UNC5D: variants seen among roughly 807,000 people sequenced by gnomAD.
The protein encoded by UNC5D is unc-5 netrin receptor D.
UNC5D carries 39 observed loss-of-function variants against 105.4 expected under a neutral mutation model. The observed-to-expected ratio is 0.37, with a 90% CI of 0.29 to 0.48. The LOEUF (loss-of-function observed/expected upper bound fraction) is 0.48, where lower values mean the gene tolerates loss of function less well. Ranked by LOEUF, UNC5D falls within the 20% of genes least tolerant of loss-of-function variation. UNC5D has a pLI of 0.98. For synonymous variants in UNC5D, 452 were observed against 450.4 expected, an observed-to-expected ratio of 1.00 and a Z score of -0.04; for missense variants, 991 against 1,202.4, an observed-to-expected ratio of 0.82 and a Z score of 2.60.
At chr8:35,417,317 C>T (rs189632634) in intron 1 of UNC5D, among the ~76,000 whole-genome samples, 1 of 152,026 alleles carries the variant, frequency 6.6e-6, no homozygotes, top group African/African-American at 2.4e-5. Flanking sequence ...TGAAATGATC[C>T]CTGTGGATGT....
intron 1 of UNC5D, among the ~76,000 whole-genome samples, chr8:35,385,376 C>T (rs1481327854): frequency 2.0e-5 from 3 of 151,820 alleles, no homozygotes; most frequent in Non-Finnish European, 4.4e-5. Context: ...CTGAATCCTA[C>T]ATGCCACCAA....
intron 1 of UNC5D, among the ~76,000 whole-genome samples, chr8:35,529,074 T>C (rs1460612617): frequency 7.3e-6 from 1 of 137,868 alleles, no homozygotes; most frequent in Non-Finnish European, 1.5e-5. Flanking sequence ...TTGTCAATTT[T>C]GGCTTTTGTT....
chr8:35,627,281 G>A (rs1458508350), intron 4 of UNC5D, among the ~76,000 whole-genome samples: 1 of 152,058 alleles, frequency 6.6e-6, no homozygotes, highest in Non-Finnish European at 1.5e-5. Context: ...TCCAACTTCC[G>A]AACAATAACG....
intron 1 of UNC5D, among the ~76,000 whole-genome samples, chr8:35,284,842 G>A (rs1325820383): frequency 6.6e-5 from 10 of 152,150 alleles, no homozygotes; most frequent in Non-Finnish European, 1.0e-4. Context: ...GATTATAGGC[G>A]TGAGCCACTG....
rs755876112 is a variant in UNC5D at position 35,696,282 on chromosome 8, ATTTTTTTTTT to A, written c.1084+9586_1084+9595del. The stretch of plus-strand genomic sequence containing the variant: ...TTGCCATATTTATTATCAATATTTA[ATTTTTTTTTT>A]TTTTTTTTTTTTGCTGTCAGTTATG... On this transcript the variant is annotated intron_variant, in intron 7 of 16. Coordinates refer to ENST00000404895, the MANE Select transcript of UNC5D (RefSeq NM_080872.4). 1.8e-3 allele frequency among the ~76,000 whole-genome samples: 207 copies of A among 113,214 alleles called. 3 individuals are homozygous for A. Among genetic ancestry groups the A allele is most frequent in the African/African-American group, 6.8e-3 (201 of 29,614 alleles). The allele number at this position is 113,214 out of a possible 152,430, so 74.3% of individuals were successfully genotyped here.
intron 3 of UNC5D, among the ~76,000 whole-genome samples, chr8:35,580,760 A>G (rs1164157778): frequency 1.3e-5 from 2 of 152,202 alleles, no homozygotes; most frequent in East Asian, 1.9e-4. Flanking sequence ...GTAGGAATCT[A>G]TAGGAGAGGA....
At chr8:35,342,228 C>T (rs1182714408) in intron 1 of UNC5D, among the ~76,000 whole-genome samples, 1 of 151,996 alleles carries the variant, frequency 6.6e-6, no homozygotes, top group Non-Finnish European at 1.5e-5. Context: ...ACCCCAGAAT[C>T]CCAGGTAGAT....
At chr8:35,431,720 C>T (rs962279272) in intron 1 of UNC5D, among the ~76,000 whole-genome samples, 1 of 152,060 alleles carries the variant, frequency 6.6e-6, no homozygotes, top group African/African-American at 2.4e-5. Flanking sequence ...CAATTTTCAA[C>T]ATCAGATAAT....
chr8:35,638,100 C>T (rs1486101201), intron 4 of UNC5D, among the ~76,000 whole-genome samples: 1 of 152,082 alleles, frequency 6.6e-6, no homozygotes, highest in East Asian at 1.9e-4. Flanking sequence ...ATACTTTTTC[C>T]ATCTTTAAGA....
chr8:35,691,681 A>G (rs931498766), intron 7 of UNC5D, among the ~76,000 whole-genome samples: 9 of 152,146 alleles, frequency 5.9e-5, no homozygotes, highest in African/African-American at 2.2e-4. Context: ...TTGTTGATCC[A>G]TGTTTTCTGA....
intron 1 of UNC5D, among the ~76,000 whole-genome samples, chr8:35,277,428 G>A (rs1002118197): frequency 6.6e-6 from 1 of 152,114 alleles, no homozygotes; most frequent in African/African-American, 2.4e-5. Flanking sequence ...TTCTTTTTCT[G>A]TGTCCTCTCT....
chr8:35,739,285 A>C (rs934089147), intron 11 of UNC5D, among the ~76,000 whole-genome samples: 1 of 152,132 alleles, frequency 6.6e-6, no homozygotes, highest in Non-Finnish European at 1.5e-5. Flanking sequence ...CCATTAACCC[A>C]CCGCCGGCCC....
intron 1 of UNC5D, among the ~76,000 whole-genome samples, chr8:35,271,696 CATGTATACAT>C (rs1364216889): frequency 4.5e-5 from 3 of 66,934 alleles, no homozygotes; most frequent in South Asian, 4.6e-4. Flanking sequence ...TACATGTATA[CATGTATACAT>C]ATATATTTAT....
intron 1 of UNC5D, among the ~76,000 whole-genome samples, chr8:35,480,240 G>A (rs1277654365): frequency 6.6e-6 from 1 of 152,072 alleles, no homozygotes; most frequent in Non-Finnish European, 1.5e-5. Flanking sequence ...TACCTCTAAT[G>A]AAAAGAGAAG....
intron 1 of UNC5D, among the ~76,000 whole-genome samples, chr8:35,545,461 G>A (rs898734078): frequency 6.6e-6 from 1 of 152,080 alleles, no homozygotes; most frequent in Admixed American, 6.5e-5. Context: ...GGATGAGGAA[G>A]GGGTGTCCTC....
chr8:35,542,736 A>G (rs1362804873), intron 1 of UNC5D, among the ~76,000 whole-genome samples: 1 of 152,254 alleles, frequency 6.6e-6, no homozygotes, highest in Non-Finnish European at 1.5e-5. Context: ...GGAGCAAATG[A>G]TAAAGAAGTG....
chr8:35,495,528 G>GC (rs1811523831), intron 1 of UNC5D, among the ~76,000 whole-genome samples: 7 of 150,110 alleles, frequency 4.7e-5, no homozygotes, highest in Admixed American at 4.0e-4. Flanking sequence ...AATTTGTGTT[G>GC]GGCCCCATTC....
chr8:35,317,231 C>T (rs1809374095), intron 1 of UNC5D, among the ~76,000 whole-genome samples: 1 of 151,932 alleles, frequency 6.6e-6, no homozygotes, highest in Non-Finnish European at 1.5e-5. Flanking sequence ...TAATTTTTTC[C>T]AAATATTATA....
intron 1 of UNC5D, among the ~76,000 whole-genome samples, chr8:35,473,149 G>C (rs1809856310): frequency 6.6e-6 from 1 of 152,190 alleles, no homozygotes; most frequent in African/African-American, 2.4e-5. Context: ...AAGGGAAGAT[G>C]CCAACCTCAG....
Sources: gnomAD v4.1 joint callset for allele counts (sites outside exome capture counted in the v4.1 genomes callset) on GRCh38, gnomAD v4.1.1 for gene constraint, MANE v1.5 for transcripts, NCBI Gene and HGNC (gene_info 2026-07-23, HGNC 2026-07-21) for gene names.